The following FBXO11 variants were observed in gnomAD, a reference collection of about 807,000 sequenced individuals.
FBXO11 encodes F-box protein 11, also known as F-box only protein 11.
A neutral mutation model predicts 117.0 loss-of-function variants in FBXO11; 13 were observed. The observed-to-expected ratio is 0.11, with a 90% CI of 0.07 to 0.18. The LOEUF (loss-of-function observed/expected upper bound fraction) is 0.18, where lower values mean the gene tolerates loss of function less well. Ranked by LOEUF, FBXO11 falls within the 10% of genes least tolerant of loss-of-function variation. FBXO11 has a pLI of 1.00. For missense variants in FBXO11, 767 were observed against 1,164.4 expected (o/e 0.66, Z 4.97); for synonymous variants, 490 against 380.5 (o/e 1.29, Z -3.35).
chr2:47,886,092 G>A (rs996543767), intron 1 of FBXO11, among the ~76,000 whole-genome samples: 1 of 151,788 alleles, frequency 6.6e-6, no homozygotes, highest in Non-Finnish European at 1.5e-5. Context: ...ACTTTAAAAT[G>A]CAAATATCCC....
intron 1 of FBXO11, among the ~76,000 whole-genome samples, chr2:47,845,731 G>C (rs1248013215): frequency 6.6e-6 from 1 of 152,018 alleles, no homozygotes; most frequent in Non-Finnish European, 1.5e-5. Context: ...AGGGTAACAA[G>C]GGTGCCCTCT....
At chr2:47,874,517 A>C (rs1424514660) in intron 1 of FBXO11, among the ~76,000 whole-genome samples, 1 of 152,140 alleles carries the variant, frequency 6.6e-6, no homozygotes, top group Non-Finnish European at 1.5e-5. Context: ...TTTAACACAC[A>C]AACACCGTAC....
chr2:47,839,932 T>C (rs567713886), intron 1 of FBXO11, among the ~76,000 whole-genome samples, 163 bp from the exon 2 acceptor site: 2 of 152,294 alleles, frequency 1.3e-5, no homozygotes, highest in East Asian at 3.9e-4. Flanking sequence ...GTTAGATTTC[T>C]ATAAAATGTG....
chr2:47,884,945 A>G (rs929866145), intron 1 of FBXO11, among the ~76,000 whole-genome samples: 1 of 152,204 alleles, frequency 6.6e-6, no homozygotes, highest in Non-Finnish European at 1.5e-5. Flanking sequence ...AAGTCCATAT[A>G]CTGATATCAG....
Position 47,905,669 on chromosome 2 carries a change from G to A in FBXO11, c.52C>T (p.Arg18Cys), listed in dbSNP as rs1045858293. ...NRRPRRVSRP[R>C]PVQQQQQQPP... is the part of the protein sequence containing the mutation. ...TGCTGCTGCTGTTGCTGCACCGGGCGCGGCCGCGACACTCGCCTGGGTCTC... is the reference window on the plus strand; with the variant it reads ...TGCTGCTGCTGTTGCTGCACCGGGCACGGCCGCGACACTCGCCTGGGTCTC... Residue 18 changes from arginine (R) to cysteine (C), a missense_variant, in exon 1 of 23, where the codon CGC becomes TGC. Arg to Cys is a radical substitution (Grantham distance 180). Transcript: ENST00000403359. 10 of 1,504,270 alleles carry A rather than the reference G, an allele frequency of 6.6e-6. No individual in the cohort carries two copies. The highest frequency in any genetic ancestry group is 2.9e-5 in the African/African-American group (2 of 68,910). 93.2% of individuals were successfully genotyped at this position (1,504,270 alleles called of 1,614,324 possible). A position where few individuals can be genotyped will look rare whatever the true frequency, so the allele number is the denominator to read the frequency against.
intron 1 of FBXO11, among the ~76,000 whole-genome samples, chr2:47,856,308 G>A (rs1374006827): frequency 6.6e-6 from 1 of 152,092 alleles, no homozygotes; most frequent in Non-Finnish European, 1.5e-5. Flanking sequence ...TCTTTCTTAA[G>A]AAATTACTTG....
intron 1 of FBXO11, among the ~76,000 whole-genome samples, chr2:47,891,780 T>C (rs903391423): frequency 1.3e-5 from 2 of 152,166 alleles, no homozygotes; most frequent in Admixed American, 6.5e-5. Flanking sequence ...TCACCAACAC[T>C]TGTCTTCTAT....
At chr2:47,871,345 G>C (rs1485387975) in intron 1 of FBXO11, among the ~76,000 whole-genome samples, 1 of 152,170 alleles carries the variant, frequency 6.6e-6, no homozygotes, top group Non-Finnish European at 1.5e-5. Flanking sequence ...ACGTGAATGA[G>C]ACATCCTGAA....
Position 47,818,820 on chromosome 2 carries a change from G to A in FBXO11, c.1965C>T (p.Asp655=). ...AATACATATGATTATAGATATCATT[G>A]TCTTCTAGCACTCCATGTCCATTGT... ...FYDNGHGVLE[D]NDIYNHMYSG... The change falls in exon 16 of 23, where the codon GAC becomes GAT. Residue 655 remains aspartate (D), a synonymous_variant. Coordinates refer to ENST00000403359, the MANE Select transcript of FBXO11 (RefSeq NM_001190274.2). The A allele has an allele frequency of 6.3e-7, 1 of 1,586,224 alleles. No individual in the cohort carries two copies. The highest frequency in any genetic ancestry group is 8.5e-7 in the Non-Finnish European group (1 of 1,171,800).
At chr2:47,889,636 T>A (rs1218615348) in intron 1 of FBXO11, among the ~76,000 whole-genome samples, 1 of 124,100 alleles carries the variant, frequency 8.1e-6, no homozygotes, top group Non-Finnish European at 1.9e-5. Context: ...TGAGAGGGTT[T>A]TTTTTTTTTT....
At chr2:47,876,422 T>C (rs1210044243) in intron 1 of FBXO11, among the ~76,000 whole-genome samples, 1 of 152,264 alleles carries the variant, frequency 6.6e-6, no homozygotes, top group Non-Finnish European at 1.5e-5. Context: ...GTACAATCTT[T>C]GGTTCTCCCA....
At chr2:47,876,544 T>C (rs905037933) in intron 1 of FBXO11, among the ~76,000 whole-genome samples, 4 of 152,338 alleles carry the variant, frequency 2.6e-5, no homozygotes, top group Admixed American at 6.5e-5. Flanking sequence ...TCAACAGTTA[T>C]ATTCCTTATA....
At chr2:47,905,212 A>G (rs1678675920) in intron 1 of FBXO11, 2 of 222,824 alleles carry the variant, frequency 9.0e-6, no homozygotes, top group Non-Finnish European at 1.7e-5. Context: ...GGAGAAGCCA[A>G]AGGGATGGGT....
intron 4 of FBXO11, among the ~76,000 whole-genome samples, chr2:47,838,131 G>C (rs1672731750): frequency 6.6e-6 from 1 of 151,904 alleles, no homozygotes; most frequent in East Asian, 1.9e-4. Flanking sequence ...TACTCAGGAG[G>C]CTGAGGTGGG....
At chr2:47,905,287 G>A (rs578172326) in intron 1 of FBXO11, 148 of 364,188 alleles carry the variant, frequency 4.1e-4, no homozygotes, top group Non-Finnish European at 6.2e-4. Context: ...GCCCAGGCGA[G>A]AAGGGAAGCC....
At chr2:47,846,722 C>T (rs997005108) in intron 1 of FBXO11, among the ~76,000 whole-genome samples, 3 of 151,262 alleles carry the variant, frequency 2.0e-5, no homozygotes, top group Non-Finnish European at 4.4e-5. Flanking sequence ...ATATACTTAA[C>T]ATATTAAATC....
At chr2:47,867,096 A>C (rs755469881) in intron 1 of FBXO11, among the ~76,000 whole-genome samples, 1 of 152,236 alleles carries the variant, frequency 6.6e-6, no homozygotes, top group Non-Finnish European at 1.5e-5. Context: ...GCTTCATTTA[A>C]TTAATTGCTT....
chr2:47,849,299 T>C (rs2103629085), intron 1 of FBXO11, among the ~76,000 whole-genome samples: 1 of 152,360 alleles, frequency 6.6e-6, no homozygotes, highest in Admixed American at 6.5e-5. Context: ...TGACTTGCTG[T>C]AAGCAAATGT....
chr2:47,867,683 C>G (rs1024771936), intron 1 of FBXO11, among the ~76,000 whole-genome samples: 1 of 152,166 alleles, frequency 6.6e-6, no homozygotes, highest in Non-Finnish European at 1.5e-5. Flanking sequence ...CAAACATAAA[C>G]TTCCAGATTC....
Sources: allele counts gnomAD v4.1 joint callset (sites outside exome capture counted in the v4.1 genomes callset), GRCh38; gene constraint gnomAD v4.1.1; transcripts MANE v1.5; gene names NCBI Gene and HGNC (gene_info 2026-07-23, HGNC 2026-07-21).